Variants in DENND2C observed in about 807,000 individuals in gnomAD.
The protein encoded by DENND2C is DENN domain-containing protein 2C.
In DENND2C, 72 loss-of-function variants were observed where a neutral mutation model predicts 112.4. That is an observed-to-expected ratio of 0.64 (90% CI 0.53 to 0.78). DENND2C has a LOEUF of 0.78. Among genes scored for constraint, DENND2C ranks in the 30% least tolerant of loss-of-function variants. DENND2C has a pLI of 0.00. For missense variants in DENND2C, 992 were observed against 1,113.8 expected, an observed-to-expected ratio of 0.89 and a Z score of 1.56; for synonymous variants, 329 against 381.6, an observed-to-expected ratio of 0.86 and a Z score of 1.61.
Position 114,611,101 on chromosome 1 carries a change from G to T in DENND2C, c.1341C>A (p.Asn447Lys), listed in dbSNP as rs146250607. 1 of 1,614,064 alleles carries T rather than the reference G, an allele frequency of 6.2e-7. No individual in the cohort carries two copies. The highest frequency in any genetic ancestry group is 1.1e-5 in the South Asian group (1 of 91,076). ...LPPTKGETSG[N>K]ESDAEYLPKN... ...TTGGCAGATACTCGGCATCACTTTC[G>T]TTCCCACTGGTTTCACCTGAAAAGA... Residue 447 changes from asparagine (N) to lysine (K), a missense_variant, in exon 9 of 21, where the codon AAC becomes AAA. Asn to Lys is a moderately conservative substitution (Grantham distance 94). Coordinates refer to ENST00000393274, the MANE Select transcript of DENND2C (RefSeq NM_001256404.2).
intron 3 of DENND2C, among the ~76,000 whole-genome samples, chr1:114,633,530 T>A (rs1001119881): frequency 2.7e-5 from 4 of 149,542 alleles, no homozygotes; most frequent in African/African-American, 7.4e-5. Flanking sequence ...TTATATATGA[T>A]ATGAAGTGGT....
chr1:114,598,653 CT>C (rs1172481902), intron 16 of DENND2C, among the ~76,000 whole-genome samples: 2 of 152,060 alleles, frequency 1.3e-5, no homozygotes, highest in East Asian at 3.9e-4. Flanking sequence ...AACCACTTAT[CT>C]ATATGTGTGT....
chr1:114,605,163 G>A, intron 10 of DENND2C, 132 bp from the exon 11 acceptor site: 1 of 585,046 alleles, frequency 1.7e-6, no homozygotes, highest in Non-Finnish European at 2.9e-6. Flanking sequence ...CCTCAGCATG[G>A]TTTTGTACTG....
At chr1:114,601,050 C>A in intron 13 of DENND2C, 90 bp from the exon 14 acceptor site, 1 of 1,375,422 alleles carries the variant, frequency 7.3e-7, no homozygotes, top group Admixed American at 2.5e-5. Flanking sequence ...GGTGTACAAA[C>A]TTTAAAATAA....
chr1:114,662,586 C>T (rs1657527669), intron 1 of DENND2C, among the ~76,000 whole-genome samples: 3 of 151,814 alleles, frequency 2.0e-5, no homozygotes, highest in South Asian at 4.1e-4. Context: ...ATTGCCAGAA[C>T]TAAATGCTAA....
At chr1:114,600,445 A>G (rs1450099198) in intron 14 of DENND2C, 93 bp from the exon 15 acceptor site, 1 of 1,518,246 alleles carries the variant, frequency 6.6e-7, no homozygotes, top group African/African-American at 1.4e-5. Context: ...TATAAGTTAA[A>G]TTCAAGAAAG....
At chr1:114,621,823 T>C in intron 7 of DENND2C, 72 bp downstream of exon 7, 2 of 1,529,700 alleles carry the variant, frequency 1.3e-6, no homozygotes, top group Non-Finnish European at 1.8e-6. Context: ...CATTTCGGTC[T>C]AAAGTTTACT....
intron 3 of DENND2C, among the ~76,000 whole-genome samples, chr1:114,640,390 T>C (rs1656801941): frequency 6.6e-6 from 1 of 152,242 alleles, no homozygotes; most frequent in African/African-American, 2.4e-5. Flanking sequence ...ACTGTTCTTG[T>C]TACTATCAGA....
intron 3 of DENND2C, among the ~76,000 whole-genome samples, chr1:114,638,967 A>G (rs1207250930): frequency 6.6e-6 from 1 of 152,148 alleles, no homozygotes; most frequent in African/African-American, 2.4e-5. Flanking sequence ...TTAAATCCAG[A>G]ATAAAAAATT....
intron 20 of DENND2C, chr1:114,587,143 C>A (rs1655060511): frequency 6.6e-6 from 3 of 453,726 alleles, no homozygotes; most frequent in Admixed American, 6.8e-5. Flanking sequence ...CTCAGGTGAT[C>A]AACCTGCCTC....
chr1:114,664,724 C>A (rs1016836941), intron 1 of DENND2C, among the ~76,000 whole-genome samples: 2 of 151,472 alleles, frequency 1.3e-5, no homozygotes, highest in Non-Finnish European at 2.9e-5. Context: ...AGTGACCCAC[C>A]GCCTTGGCCT....
chr1:114,583,588 C>A lies in DENND2C; in HGVS notation c.*2012G>T, dbSNP rs1313313499. The A allele has an allele frequency of 1.4e-4, 21 of 150,378 alleles. No individual in the cohort carries two copies. The Admixed American group carries it at 1.4e-3, about 10-fold the overall frequency. 9.3% of individuals were successfully genotyped at this position (150,378 alleles called of 1,614,324 possible). A position where few individuals can be genotyped will look rare whatever the true frequency, so the allele number is the denominator to read the frequency against. On this transcript the variant is annotated 3_prime_UTR_variant, in exon 21 of 21. Coordinates refer to ENST00000393274, the MANE Select transcript of DENND2C (RefSeq NM_001256404.2). ...TTGGGAGGCCAAGGTGGGTGGATCA[C>A]CTGAGGTCAGGAGTTCGAGACCAGC...
chr1:114,600,331 G>C lies in DENND2C; in HGVS notation c.1978C>G (p.Leu660Val). Reference protein sequence around the residue: ...GDESIELCRPLDSRLEHVDFK... With the variant: ...GDESIELCRPVDSRLEHVDFK... ...TCAACATGTTCCAATCGGGAATCTA[G>C]TGGTCGGCAGAGTTCAATGGACTGA... Residue 660 changes from leucine to valine, a missense_variant, in exon 15 of 21, where the codon CTA (leucine) becomes GTA (valine). Physicochemically the swap from Leu to Val is conservative, Grantham distance 32. This residue lies in a region of DENND2C where 516 missense variants were observed against 623.6 expected (regional missense o/e 0.83). Transcript: ENST00000393274. 6.2e-7 allele frequency: 1 copy of C among 1,614,152 alleles called. No homozygotes were observed.
In DENND2C at chr1:114,584,667, G is replaced by A. The variant is rs1434758047; in HGVS notation, c.*933C>T. The A allele has an allele frequency of 2.6e-5, 4 of 152,202 alleles. No homozygotes were observed. Among genetic ancestry groups the A allele is most frequent in the Non-Finnish European group, 4.4e-5 (3 of 68,042 alleles). The allele number at this position is 152,202 out of a possible 1,614,324, so 9.4% of individuals were successfully genotyped here. On this transcript the variant is annotated 3_prime_UTR_variant, in exon 21 of 21. Transcript: ENST00000393274. Reference sequence around the variant, plus strand: ...ATGATATGCATACATATACCACAGTGCATGGCACATGGTGGACACTAAAAA... The same window carrying A: ...ATGATATGCATACATATACCACAGTACATGGCACATGGTGGACACTAAAAA...
intron 3 of DENND2C, among the ~76,000 whole-genome samples, chr1:114,643,163 G>C (rs974835096): frequency 1.6e-4 from 24 of 152,110 alleles, no homozygotes; most frequent in Non-Finnish European, 3.1e-4. Flanking sequence ...CTGCAATGCT[G>C]TCTTAGAAGA....
intron 3 of DENND2C, among the ~76,000 whole-genome samples, chr1:114,642,441 T>C (rs1042483932): frequency 2.0e-5 from 3 of 152,250 alleles, no homozygotes; most frequent in Non-Finnish European, 2.9e-5. Flanking sequence ...AAAGTTAGAA[T>C]GTTCGAGTTA....
chr1:114,586,914 T>G, intron 20 of DENND2C: 1 of 155,414 alleles, frequency 6.4e-6, no homozygotes, highest in African/African-American at 2.4e-5. Flanking sequence ...TTTTTTTTTT[T>G]GAGACAGAAT....
rs778437699 is a variant in DENND2C, at chr1:114,625,312, C to T, written c.673G>A (p.Val225Ile). The T allele has an allele frequency of 5.6e-6, 9 of 1,614,160 alleles. No homozygotes were observed. Among genetic ancestry groups the T allele is most frequent in the South Asian group, 2.2e-5 (2 of 91,080 alleles). ...RTFRYLSESGVTPYKERNCDK... is the reference protein window; with the variant it reads ...RTFRYLSESGITPYKERNCDK... ...CAGTTTCTTTCTTTATACGGCGTAA[C>T]ACCAGATTCGGATAAATATCTGAAT... The change falls in exon 4 of 21, where the codon GTT becomes ATT. Residue 225 changes from valine (V) to isoleucine (I), a missense_variant. Transcript: ENST00000393274.
intron 1 of DENND2C, among the ~76,000 whole-genome samples, chr1:114,656,555 C>G (rs1657334143): frequency 6.6e-6 from 1 of 151,646 alleles, no homozygotes; most frequent in Non-Finnish European, 1.5e-5. Flanking sequence ...CACCACCACG[C>G]CCAGCTCATT....
Sources: allele counts gnomAD v4.1 joint callset (sites outside exome capture counted in the v4.1 genomes callset), GRCh38; gene constraint gnomAD v4.1.1; regional missense constraint gnomAD v4.1.1; transcripts MANE v1.5; gene names NCBI Gene and HGNC (gene_info 2026-07-23, HGNC 2026-07-21).